The following KDM7A variants were observed in gnomAD, a reference collection of about 807,000 sequenced individuals.
KDM7A encodes the protein lysine-specific demethylase 7A.
Under a neutral mutation model 114.8 loss-of-function variants are expected in KDM7A, and 28 were observed. That is an observed-to-expected ratio of 0.24 (90% CI 0.18 to 0.33). The LOEUF (loss-of-function observed/expected upper bound fraction) is 0.33, where lower values mean the gene tolerates loss of function less well. Among genes scored for constraint, KDM7A ranks in the 10% least tolerant of loss-of-function variants. The pLI is 1.00. For missense variants in KDM7A, 942 were observed against 1,142.5 expected, an observed-to-expected ratio of 0.82 and a Z score of 2.53; for synonymous variants, 423 against 397.8, an observed-to-expected ratio of 1.06 and a Z score of -0.75.
intron 3 of KDM7A, among the ~76,000 whole-genome samples, chr7:140,130,772 C>T (rs1818771991): frequency 6.6e-6 from 1 of 151,916 alleles, no homozygotes; most frequent in Non-Finnish European, 1.5e-5. Flanking sequence ...TGGTCCCCAC[C>T]CACTGAGACA....
At chr7:140,112,565 C>T (rs527871995) in intron 10 of KDM7A, among the ~76,000 whole-genome samples, 72 of 151,522 alleles carry the variant, frequency 4.8e-4, no homozygotes, top group African/African-American at 1.7e-3. Context: ...GAGCCGAGAT[C>T]GCACCACTGC....
Position 140,099,021 on chromosome 7 carries a change from C to G in KDM7A, c.1776G>C (p.Gln592His), listed in dbSNP as rs373482301. Residue 592 changes from glutamine (Q) to histidine (H), a missense_variant, in exon 14 of 20, where the codon CAG becomes CAC. Physicochemically the swap from Gln to His is conservative, Grantham distance 24 (BLOSUM62 0). Coordinates refer to ENST00000397560, the MANE Select transcript of KDM7A (RefSeq NM_030647.2). ...TNGRIIKDERQPFADQSLYTA... is the reference protein window; with the variant it reads ...TNGRIIKDERHPFADQSLYTA... ...TATAAAGACTTTGATCTGCAAAGGG[C>G]TGCCTTTCATCTCTGTATTAAGAAG... 38 of 1,611,110 alleles carry G rather than the reference C, an allele frequency of 2.4e-5. No individual in the cohort carries two copies. The South Asian group carries it at 3.9e-4, about 16-fold the overall frequency.
At chr7:140,156,940 C>T (rs963942409) in intron 1 of KDM7A, among the ~76,000 whole-genome samples, 1 of 152,222 alleles carries the variant, frequency 6.6e-6, no homozygotes, top group Non-Finnish European at 1.5e-5. Context: ...TACAGATATG[C>T]TCATCTTCAT....
At chr7:140,146,368 CTCTT>C (rs1794340102) in intron 1 of KDM7A, among the ~76,000 whole-genome samples, 1 of 152,222 alleles carries the variant, frequency 6.6e-6, no homozygotes, top group African/African-American at 2.4e-5. Context: ...TCTCCCTACT[CTCTT>C]TATCACCCAC....
intron 11 of KDM7A, among the ~76,000 whole-genome samples, chr7:140,107,235 T>C (rs1562948195): frequency 6.6e-6 from 1 of 152,214 alleles, no homozygotes; most frequent in African/African-American, 2.4e-5. Context: ...TATTTGCCGG[T>C]ATGTGTCTTT....
chr7:140,101,009 A>ATT (rs1193038648), intron 12 of KDM7A, among the ~76,000 whole-genome samples: 1 of 138,704 alleles, frequency 7.2e-6, no homozygotes. Context: ...CGGCCTCCCA[A>ATT]TTTTTTTTTT....
chr7:140,108,809 G>A (rs1280876293), intron 11 of KDM7A, among the ~76,000 whole-genome samples: 1 of 152,206 alleles, frequency 6.6e-6, no homozygotes, highest in African/African-American at 2.4e-5. Context: ...GTCAGACAGG[G>A]ACGTTTAAGT....
At chr7:140,139,224 TAAGTTG>T (rs773833329) in intron 1 of KDM7A, 34 bp from the exon 2 acceptor site, 2 of 1,477,766 alleles carry the variant, frequency 1.4e-6, no homozygotes, top group East Asian at 4.5e-5. Flanking sequence ...AGTATGTAAG[TAAGTTG>T]AAAATCTTCG....
chr7:140,176,041 G>C lies in KDM7A; in HGVS notation c.194+703C>G, dbSNP rs1416232012. Among the ~76,000 whole-genome samples the C allele has an allele frequency of 6.6e-6, 1 of 151,688 alleles. No individual in the cohort carries two copies. The highest frequency in any genetic ancestry group is 1.5e-5 in the Non-Finnish European group (1 of 67,822). ...GACCCGGGTCAACCTGCCGCCCGCCGGGGGCCCGGCCCCAACTTCCCCGGC... is the reference window on the plus strand; with the variant it reads ...GACCCGGGTCAACCTGCCGCCCGCCCGGGGCCCGGCCCCAACTTCCCCGGC... On this transcript the variant is annotated intron_variant, in intron 1 of 19. Transcript: ENST00000397560. The surrounding 1 kb of genome is among the most constrained non-coding windows in gnomAD (Gnocchi z 4.4).
intron 2 of KDM7A, among the ~76,000 whole-genome samples, chr7:140,134,862 T>C (rs1818841879): frequency 6.6e-6 from 1 of 152,142 alleles, no homozygotes; most frequent in Non-Finnish European, 1.5e-5. Flanking sequence ...TTAAACCTTT[T>C]CCACCTTACA....
chr7:140,095,608 T>C, intron 17 of KDM7A: 1 of 270,776 alleles, frequency 3.7e-6, no homozygotes, highest in Non-Finnish European at 7.4e-6. Context: ...CCAGGCATGG[T>C]GGCTCACACC....
chr7:140,144,307 G>T (rs951053175), intron 1 of KDM7A, among the ~76,000 whole-genome samples: 3 of 152,174 alleles, frequency 2.0e-5, no homozygotes, highest in Non-Finnish European at 4.4e-5. Flanking sequence ...ATATGCAAAA[G>T]AATGTGTTTG....
intron 1 of KDM7A, among the ~76,000 whole-genome samples, chr7:140,140,524 C>T (rs529999290): frequency 6.6e-6 from 1 of 152,188 alleles, no homozygotes; most frequent in African/African-American, 2.4e-5. Flanking sequence ...ACCCGTAATC[C>T]CAGCACTTTG....
chr7:140,164,959 C>T (rs949762735), intron 1 of KDM7A, among the ~76,000 whole-genome samples: 2 of 152,182 alleles, frequency 1.3e-5, no homozygotes, highest in African/African-American at 4.8e-5. Flanking sequence ...TGGCAACATT[C>T]GGTTGAATGA....
chr7:140,092,261 G>C, intron 18 of KDM7A, 184 bp from the exon 19 acceptor site: 4 of 607,062 alleles, frequency 6.6e-6, no homozygotes, highest in African/African-American at 2.0e-5. Flanking sequence ...TGAAGGACTC[G>C]GGTCTTTAAG....
Position 140,176,237 on chromosome 7 carries a change from G to A in KDM7A, c.194+507C>T, listed in dbSNP as rs1432949695. Reference sequence around the variant, plus strand: ...GGGGCGCGACAGGGACCCGCGGCGCGGAGGAGACGCGGGGCCGGGGCGACC... The same window carrying A: ...GGGGCGCGACAGGGACCCGCGGCGCAGAGGAGACGCGGGGCCGGGGCGACC... On this transcript the variant is annotated intron_variant, in intron 1 of 19. Transcript: ENST00000397560. This position sits in a 1 kb window ranked among gnomAD's most constrained non-coding sequence, Gnocchi z 4.4. Among the ~76,000 whole-genome samples the A allele has an allele frequency of 1.3e-5, 2 of 151,548 alleles. No individual in the cohort carries two copies. The highest frequency in any genetic ancestry group is 1.5e-5 in the Non-Finnish European group (1 of 67,856).
At chr7:140,093,221 G>A (rs1384134056) in intron 18 of KDM7A, among the ~76,000 whole-genome samples, 1 of 152,212 alleles carries the variant, frequency 6.6e-6, no homozygotes, top group East Asian at 1.9e-4. Flanking sequence ...GGCTCTGGAA[G>A]ATGGCAAAAC....
intron 1 of KDM7A, among the ~76,000 whole-genome samples, chr7:140,162,357 C>G (rs548136925): frequency 6.6e-6 from 1 of 150,780 alleles, no homozygotes; most frequent in South Asian, 2.1e-4. Context: ...AAAAAAATTA[C>G]TAACTGATAA....
intron 1 of KDM7A, among the ~76,000 whole-genome samples, chr7:140,141,672 T>C (rs1057273512): frequency 3.3e-5 from 5 of 151,962 alleles, no homozygotes; most frequent in African/African-American, 1.2e-4. Flanking sequence ...GGTGGGCGGA[T>C]CACTTGAGGT....
Sources: gnomAD v4.1 joint callset for allele counts (sites outside exome capture counted in the v4.1 genomes callset) on GRCh38, gnomAD v4.1.1 for gene constraint, Gnocchi (gnomAD v3.1) non-coding constraint, MANE v1.5 for transcripts, NCBI Gene and HGNC (gene_info 2026-07-23, HGNC 2026-07-21) for gene names.